TMEM132C: variants seen among roughly 807,000 people sequenced by gnomAD.
TMEM132C encodes transmembrane protein 132C, also known as protein phosphatase 1, regulatory subunit 152.
TMEM132C carries 29 observed loss-of-function variants against 61.4 expected under a neutral mutation model. That is an observed-to-expected ratio of 0.47 (90% CI 0.35 to 0.64). The LOEUF is 0.64. Among genes scored for constraint, TMEM132C ranks in the 30% least tolerant of loss-of-function variants. The pLI, the probability that TMEM132C is intolerant of heterozygous loss-of-function variation, is 0.00. For missense variants in TMEM132C, 1,408 were observed against 1,476.9 expected (o/e 0.95, Z 0.76); for synonymous variants, 656 against 633.1 (o/e 1.04, Z -0.54).
chr12:128,706,602 C>T lies in TMEM132C; in HGVS notation c.*307C>T, dbSNP rs1243965723. The stretch of plus-strand genomic sequence containing the variant: ...TGAGTCAAAACATACTACAGACAAG[C>T]TACCAAAAATTATTTGTTAAAAAAT... On this transcript the variant is annotated 3_prime_UTR_variant, in exon 9 of 9. Coordinates refer to ENST00000435159, the MANE Select transcript of TMEM132C (RefSeq NM_001136103.3). 1 of 256,554 alleles carries T rather than the reference C, an allele frequency of 3.9e-6. No individual in the cohort carries two copies. Among genetic ancestry groups the T allele is most frequent in the Non-Finnish European group, 7.3e-6 (1 of 136,822 alleles). The allele number at this position is 256,554 out of a possible 1,614,324, so 15.9% of individuals were successfully genotyped here. A position where few individuals can be genotyped will look rare whatever the true frequency, so the allele number is the denominator to read the frequency against.
At chr12:128,583,051 A>C (rs1875404679) in intron 3 of TMEM132C, among the ~76,000 whole-genome samples, 1 of 152,236 alleles carries the variant, frequency 6.6e-6, no homozygotes, top group Non-Finnish European at 1.5e-5. Flanking sequence ...ACTCAGAAAA[A>C]GGCATCAAGG....
intron 8 of TMEM132C, among the ~76,000 whole-genome samples, chr12:128,701,437 A>T (rs1349109648): frequency 6.6e-6 from 1 of 152,158 alleles, no homozygotes; most frequent in African/African-American, 2.4e-5. Context: ...GCCTTCACAC[A>T]CAGCAGAATG....
intron 3 of TMEM132C, among the ~76,000 whole-genome samples, chr12:128,563,157 A>G (rs1225071419): frequency 6.6e-6 from 1 of 152,264 alleles, no homozygotes; most frequent in African/African-American, 2.4e-5. Flanking sequence ...ACCATGTGCC[A>G]TGCCCAAAGG....
Position 128,338,624 on chromosome 12 carries a change from C to G in TMEM132C, c.85+71137C>G, listed in dbSNP as rs563126612. On this transcript the variant is annotated intron_variant, in intron 1 of 8. Transcript: ENST00000435159. ...GGGTAAAGAGCTGGAAAAAGTTCTC[C>G]AAAGCAAGAGTTCTCAGCGGGCCCC... Among the ~76,000 whole-genome samples the G allele has an allele frequency of 3.8e-3, 583 of 152,032 alleles. 4 individuals carry two copies. Among genetic ancestry groups the G allele is most frequent in the Non-Finnish European group, 4.2e-3 (284 of 68,016 alleles).
At chr12:128,639,040 A>ATGG (rs1488935581) in intron 4 of TMEM132C, among the ~76,000 whole-genome samples, 2 of 107,566 alleles carry the variant, frequency 1.9e-5, no homozygotes, top group African/African-American at 3.5e-5. Flanking sequence ...GGTGATGATG[A>ATGG]TGGTGATAAT....
chr12:128,510,303 C>G (rs982036748), intron 2 of TMEM132C, among the ~76,000 whole-genome samples: 3 of 152,178 alleles, frequency 2.0e-5, no homozygotes, highest in Non-Finnish European at 4.4e-5. Context: ...CATTTACAGG[C>G]CAACAACACC....
At chr12:128,267,522 A>G in intron 1 of TMEM132C, 35 bp downstream of exon 1, 2 of 1,229,026 alleles carry the variant, frequency 1.6e-6, no homozygotes, top group Middle Eastern at 3.1e-4. Flanking sequence ...GCGCCGACGC[A>G]TGCGAACTTC....
chr12:128,616,801 T>C (rs1383480846), intron 4 of TMEM132C, among the ~76,000 whole-genome samples: 1 of 152,098 alleles, frequency 6.6e-6, no homozygotes, highest in East Asian at 1.9e-4. Context: ...CAACCTGAAA[T>C]GTAGAAAGTA....
intron 2 of TMEM132C, among the ~76,000 whole-genome samples, chr12:128,429,209 C>T (rs996041005): frequency 2.6e-5 from 4 of 152,030 alleles, no homozygotes; most frequent in East Asian, 1.9e-4. Context: ...TCAAAATTGG[C>T]GAGGGAGGTG....
intron 1 of TMEM132C, among the ~76,000 whole-genome samples, chr12:128,387,353 C>T (rs570744491): frequency 6.6e-6 from 1 of 152,210 alleles, no homozygotes; most frequent in East Asian, 1.9e-4. Flanking sequence ...GGTGTGGATG[C>T]CTCTGGTTGG....
intron 2 of TMEM132C, among the ~76,000 whole-genome samples, chr12:128,501,466 G>C (rs771361428): frequency 6.6e-6 from 1 of 152,180 alleles, no homozygotes; most frequent in Non-Finnish European, 1.5e-5. Flanking sequence ...GTGGTGCAGG[G>C]TTATCATCCT....
intron 1 of TMEM132C, among the ~76,000 whole-genome samples, chr12:128,369,970 A>C (rs942432314): frequency 2.1e-4 from 32 of 152,226 alleles, no homozygotes; most frequent in African/African-American, 7.7e-4. Context: ...GTTTAAAAGC[A>C]AGAGTTGGGC....
chr12:128,643,285 T>C (rs1458393700), intron 4 of TMEM132C, among the ~76,000 whole-genome samples: 1 of 152,098 alleles, frequency 6.6e-6, no homozygotes, highest in African/African-American at 2.4e-5. Context: ...CTCCACTAAT[T>C]TGCAAAAGGT....
chr12:128,385,026 G>A (rs78108962), intron 1 of TMEM132C, among the ~76,000 whole-genome samples: 4,352 of 152,236 alleles, frequency 0.029, 205 homozygotes, highest in African/African-American at 0.098. Context: ...CAAAATATTC[G>A]AGAACTTTAT....
At chr12:128,347,397 G>GCCTCTCTCTCTCTCTCTC (rs1873193951) in intron 1 of TMEM132C, among the ~76,000 whole-genome samples, 2 of 135,424 alleles carry the variant, frequency 1.5e-5, no homozygotes, top group Admixed American at 7.2e-5. Context: ...GCATATGTAT[G>GCCTCTCTCTCTCTCTCTC]TCTCTCTCTC....
intron 5 of TMEM132C, among the ~76,000 whole-genome samples, chr12:128,680,336 C>T (rs531710405): frequency 1.1e-4 from 17 of 152,328 alleles, no homozygotes; most frequent in African/African-American, 3.1e-4. Context: ...AGCCAGGATT[C>T]GAACTCAGGT....
chr12:128,382,698 C>T (rs966440199), intron 1 of TMEM132C, among the ~76,000 whole-genome samples: 6 of 152,114 alleles, frequency 3.9e-5, no homozygotes, highest in East Asian at 1.9e-4. Flanking sequence ...TTCAACTCTC[C>T]GTGGTATTCT....
chr12:128,455,597 C>T (rs1870312930), intron 2 of TMEM132C, among the ~76,000 whole-genome samples: 1 of 152,168 alleles, frequency 6.6e-6, no homozygotes, highest in African/African-American at 2.4e-5. Flanking sequence ...CTGGGGAAAG[C>T]AGATTTTCCA....
At chr12:128,409,410 A>G (rs1868445510) in intron 1 of TMEM132C, among the ~76,000 whole-genome samples, 1 of 152,068 alleles carries the variant, frequency 6.6e-6, no homozygotes, top group African/African-American at 2.4e-5. Flanking sequence ...ACAGACAAGC[A>G]GGCCGGTCCA....
Sources: allele counts gnomAD v4.1 joint callset (sites outside exome capture counted in the v4.1 genomes callset), GRCh38; gene constraint gnomAD v4.1.1; transcripts MANE v1.5; gene names NCBI Gene and HGNC (gene_info 2026-07-23, HGNC 2026-07-21).